Variants in KIAA1217 observed in about 807,000 individuals in gnomAD.
KIAA1217 encodes the protein sickle tail protein homolog.
A neutral mutation model predicts 163.9 loss-of-function variants in KIAA1217; 88 were observed. That is an observed-to-expected ratio of 0.54 (90% CI 0.45 to 0.64). The LOEUF (loss-of-function observed/expected upper bound fraction) is 0.64. KIAA1217 is among the 30% of genes least tolerant of loss of function. KIAA1217 has a pLI of 0.00. For synonymous variants in KIAA1217, 903 were observed against 923.1 expected (o/e 0.98, Z 0.39); for missense variants, 2,372 against 2,475.0 (o/e 0.96, Z 0.88).
chr10:23,890,153 T>C (rs1841359130), intron 1 of KIAA1217, among the ~76,000 whole-genome samples: 1 of 151,764 alleles, frequency 6.6e-6, no homozygotes, highest in African/African-American at 2.4e-5. Context: ...CCGTAATTAG[T>C]CTTAGTAGGA....
intron 1 of KIAA1217, among the ~76,000 whole-genome samples, chr10:23,978,494 A>C (rs1374727855): frequency 6.6e-6 from 1 of 152,166 alleles, no homozygotes; most frequent in Non-Finnish European, 1.5e-5. Context: ...AAGTGCAGTG[A>C]ATCTTTTATG....
At chr10:24,249,052 G>A (rs1002506254) in intron 2 of KIAA1217, among the ~76,000 whole-genome samples, 1 of 152,204 alleles carries the variant, frequency 6.6e-6, no homozygotes, top group Non-Finnish European at 1.5e-5. Flanking sequence ...AACCACGAGT[G>A]TAGTGGACGT....
intron 3 of KIAA1217, among the ~76,000 whole-genome samples, chr10:24,395,494 T>C (rs888492855): frequency 6.6e-5 from 10 of 152,184 alleles, no homozygotes; most frequent in African/African-American, 2.4e-4. Flanking sequence ...ATATCATTCA[T>C]GGTGTGGACG....
chr10:23,728,827 C>CTTAG (rs747440062), intron 1 of KIAA1217, among the ~76,000 whole-genome samples: 12 of 152,128 alleles, frequency 7.9e-5, no homozygotes, highest in Non-Finnish European at 1.8e-4. Context: ...TCCTCCCTGC[C>CTTAG]CTAAGACAAG....
intron 10 of KIAA1217, among the ~76,000 whole-genome samples, chr10:24,518,034 T>C (rs896242988): frequency 1.3e-5 from 2 of 152,144 alleles, no homozygotes; most frequent in African/African-American, 4.8e-5. Context: ...TGGGTCTAGA[T>C]AATTTCTACA....
At position 24,397,024 on chromosome 10, in the gene KIAA1217, T is replaced by C. The variant is rs1353283637; in HGVS notation, c.553+15957T>C. Among the ~76,000 whole-genome samples, 4 of 151,846 alleles carry C rather than the reference T, an allele frequency of 2.6e-5. No individual in the cohort carries two copies. In the East Asian group the frequency reaches 7.7e-4, roughly 29 times the overall value. ...AGCAGGGAAAAGAATCTGGGTTCTG[T>C]AGATGCTTTGAAATGAGATTAAGGT... On this transcript the variant is annotated intron_variant, in intron 3 of 20. Transcript: ENST00000376454.
chr10:23,922,634 T>C (rs1037694656), intron 1 of KIAA1217, among the ~76,000 whole-genome samples: 1 of 152,154 alleles, frequency 6.6e-6, no homozygotes, highest in Non-Finnish European at 1.5e-5. Context: ...ACAGGAGAAC[T>C]CCTGGGTATG....
intron 2 of KIAA1217, among the ~76,000 whole-genome samples, chr10:24,011,582 C>A (rs1225835007): frequency 6.6e-6 from 1 of 152,108 alleles, no homozygotes; most frequent in Admixed American, 6.6e-5. Flanking sequence ...ACTAGTGCCT[C>A]CATGTTAACA....
chr10:23,762,563 A>G (rs1257724828), intron 1 of KIAA1217, among the ~76,000 whole-genome samples: 1 of 152,228 alleles, frequency 6.6e-6, no homozygotes, highest in Non-Finnish European at 1.5e-5. Context: ...GATAAAATTC[A>G]ACATCTCTTC....
chr10:24,203,815 G>C (rs2067399546), upstream of KIAA1217, among the ~76,000 whole-genome samples: 1 of 152,134 alleles, frequency 6.6e-6, no homozygotes, highest in Non-Finnish European at 1.5e-5. Context: ...GGGATAAAAG[G>C]GGTGAGCAGA....
chr10:24,134,750 T>C (rs149195183), intron 2 of KIAA1217, among the ~76,000 whole-genome samples: 1,543 of 152,200 alleles, frequency 0.01, 14 homozygotes, highest in Non-Finnish European at 0.016. Flanking sequence ...ATCTTTTTTA[T>C]ATATTTTGTA....
chr10:24,187,796 A>G (rs2066511479), intron 2 of KIAA1217, among the ~76,000 whole-genome samples: 1 of 152,174 alleles, frequency 6.6e-6, no homozygotes, highest in African/African-American at 2.4e-5. Flanking sequence ...AGGCTGAGGC[A>G]GGAGAATCGC....
At chr10:24,344,755 CT>C (rs1263883963) in intron 2 of KIAA1217, among the ~76,000 whole-genome samples, 7 of 152,298 alleles carry the variant, frequency 4.6e-5, no homozygotes, top group Admixed American at 1.3e-4. Context: ...AGGGAGAGAC[CT>C]TCCTATTTAT....
intron 3 of KIAA1217, among the ~76,000 whole-genome samples, chr10:24,392,222 G>A (rs2055078561): frequency 1.4e-5 from 2 of 147,806 alleles, no homozygotes; most frequent in African/African-American, 2.6e-5. Flanking sequence ...TGTTTAAGAT[G>A]AGGTTTATAC....
intron 6 of KIAA1217, among the ~76,000 whole-genome samples, chr10:24,494,219 A>G (rs962694599): frequency 6.6e-6 from 1 of 152,184 alleles, no homozygotes; most frequent in African/African-American, 2.4e-5. Context: ...ACTCAAAAAC[A>G]TAGGATGTGC....
chr10:24,179,673 C>T (rs1292452628), intron 2 of KIAA1217, among the ~76,000 whole-genome samples: 1 of 152,162 alleles, frequency 6.6e-6, no homozygotes, highest in Non-Finnish European at 1.5e-5. Context: ...ACTGCAACTT[C>T]CACCTCCCGG....
At chr10:24,061,555 A>G (rs2060722189) in intron 2 of KIAA1217, among the ~76,000 whole-genome samples, 1 of 152,142 alleles carries the variant, frequency 6.6e-6, no homozygotes, top group Admixed American at 6.5e-5. Flanking sequence ...ACTCTTTAGT[A>G]TTTCTTGTAA....
intron 2 of KIAA1217, among the ~76,000 whole-genome samples, chr10:24,350,502 T>C (rs2134002047): frequency 6.6e-6 from 1 of 152,314 alleles, no homozygotes; most frequent in South Asian, 2.1e-4. Context: ...AAGGTCTTTG[T>C]GTTGATTATC....
intron 2 of KIAA1217, among the ~76,000 whole-genome samples, chr10:24,369,218 T>TGTGTGTGTGTGTG (rs1564553011): frequency 5.3e-5 from 8 of 151,502 alleles, no homozygotes; most frequent in South Asian, 2.1e-4. Context: ...TGTGTGTGTG[T>TGTGTGTGTGTGTG]TTTCATTTGA....
Sources: gnomAD v4.1 joint callset for allele counts (sites outside exome capture counted in the v4.1 genomes callset) on GRCh38, gnomAD v4.1.1 for gene constraint, MANE v1.5 for transcripts, NCBI Gene and HGNC (gene_info 2026-07-23, HGNC 2026-07-21) for gene names.